Variants in SYTL2 observed in about 807,000 individuals in gnomAD.
SYTL2 encodes synaptotagmin-like protein 2.
Under a neutral mutation model 198.7 loss-of-function variants are expected in SYTL2, and 165 were observed. The ratio of observed to expected loss-of-function variants is 0.83; its 90% CI spans 0.73 to 0.94. The LOEUF is 0.94. Among genes scored for constraint, SYTL2 ranks in the 40% least tolerant of loss-of-function variants. The pLI, the probability that SYTL2 is intolerant of heterozygous loss-of-function variation, is 0.00. For synonymous variants in SYTL2, 966 were observed against 917.7 expected (o/e 1.05, Z -0.95); for missense variants, 2,835 against 2,582.8 (o/e 1.10, Z -2.12).
chr11:85,724,321 TAC>T lies in SYTL2; in HGVS notation c.5035_5036del (p.Val1679AsnfsTer9), dbSNP rs775985246. The T allele has an allele frequency of 6.3e-7, 1 of 1,579,768 alleles. No homozygotes were observed. Among genetic ancestry groups the T allele is most frequent in the Admixed American group, 1.8e-5 (1 of 54,596 alleles). ...CACTGTCCCTGTCCTCTGGGGGGGT[TAC>T]AGTTTTAATGGTCCCTATTTCATGA... ...VAHEIGTIKT[V>X]TPPEDRDSES... On this transcript the variant is annotated frameshift_variant, in exon 8 of 20. Transcript: ENST00000359152. LOFTEE classifies it high-confidence loss of function.
At chr11:85,708,941 C>T (rs2085739119) in intron 14 of SYTL2, among the ~76,000 whole-genome samples, 1 of 149,838 alleles carries the variant, frequency 6.7e-6, no homozygotes, top group Non-Finnish European at 1.5e-5. Context: ...CGCCTCCTCG[C>T]CATTCTCCTG....
At chr11:85,796,774 T>C (rs965737189) in intron 1 of SYTL2, among the ~76,000 whole-genome samples, 1 of 152,240 alleles carries the variant, frequency 6.6e-6, no homozygotes, top group Admixed American at 6.5e-5. Context: ...CCTCAACTTC[T>C]TTTCATTCAT....
chr11:85,733,589 T>TTTGG (rs2090026426), intron 7 of SYTL2: 1 of 76,712 alleles, frequency 1.3e-5, no homozygotes, highest in Non-Finnish European at 2.4e-5. Flanking sequence ...AAGTTTTTTT[T>TTTGG]TTTTGTTTTT....
chr11:85,724,757 TCCTCTGTACTA>T lies in SYTL2; in HGVS notation c.4590_4600del (p.Ser1531AlafsTer7), dbSNP rs1464639557. The T allele has an allele frequency of 6.2e-7, 1 of 1,612,550 alleles. No homozygotes were observed. Among genetic ancestry groups the T allele is most frequent in the East Asian group, 2.2e-5 (1 of 44,888 alleles). On this transcript the variant is annotated frameshift_variant, in exon 8 of 20. Transcript: ENST00000359152. LOFTEE classifies it high-confidence loss of function. Reference sequence around the variant, plus strand: ...GCATTCAGAAGTGGCTCGCCTGGGCTCCTCTGTACTACCTATTAACTTTGATGGAGAAAGAT... The same window carrying T: ...GCATTCAGAAGTGGCTCGCCTGGGCTCCTATTAACTTTGATGGAGAAAGAT...
chr11:85,826,674 A>G, the SYTL2 span, among the ~76,000 whole-genome samples: 1 of 152,254 alleles, frequency 6.6e-6, no homozygotes, highest in Admixed American at 6.5e-5. Context: ...GGTATGTCAG[A>G]GAGAGAGCTC....
At chr11:85,806,553 G>C (rs1203889916) in intron 1 of SYTL2, among the ~76,000 whole-genome samples, 1 of 152,152 alleles carries the variant, frequency 6.6e-6, no homozygotes, top group Non-Finnish European at 1.5e-5. Flanking sequence ...ACAATCTCAA[G>C]AGGTTATAGA....
intron 15 of SYTL2, 43 bp from the exon 16 acceptor site, chr11:85,705,071 T>C: frequency 6.7e-7 from 1 of 1,487,348 alleles, no homozygotes; most frequent in Non-Finnish European, 9.3e-7. Flanking sequence ...AAACATTACT[T>C]GATGCCAAAG....
intron 11 of SYTL2, among the ~76,000 whole-genome samples, chr11:85,716,126 T>C (rs2087190560): frequency 6.6e-6 from 1 of 152,134 alleles, no homozygotes; most frequent in Admixed American, 6.5e-5. Flanking sequence ...AATTAGGAGA[T>C]CATGAATAAA....
chr11:85,844,854 T>A, the SYTL2 span, among the ~76,000 whole-genome samples: 1 of 145,770 alleles, frequency 6.9e-6, no homozygotes, highest in Non-Finnish European at 1.5e-5. Flanking sequence ...GAGCCTGTAA[T>A]CTTCTGTATG....
At chr11:85,788,808 T>G (rs914709964) in intron 1 of SYTL2, among the ~76,000 whole-genome samples, 8 of 152,040 alleles carry the variant, frequency 5.3e-5, no homozygotes, top group African/African-American at 1.7e-4. Flanking sequence ...GAAGGAATCA[T>G]CCATGACTGA....
At chr11:85,808,822 T>C (rs752641072) in intron 1 of SYTL2, among the ~76,000 whole-genome samples, 1 of 152,082 alleles carries the variant, frequency 6.6e-6, no homozygotes, top group Non-Finnish European at 1.5e-5. Context: ...CATTATAATC[T>C]TATCCCCCCA....
At chr11:85,710,746 G>A (rs985598228) in intron 13 of SYTL2, among the ~76,000 whole-genome samples, 2 of 152,130 alleles carry the variant, frequency 1.3e-5, no homozygotes, top group Non-Finnish European at 2.9e-5. Flanking sequence ...TAAAAGAGAG[G>A]TTCAATTCTA....
intron 3 of SYTL2, 39 bp downstream of exon 3, chr11:85,748,233 C>G (rs755805452): frequency 1.9e-5 from 30 of 1,593,944 alleles, no homozygotes; most frequent in Non-Finnish European, 2.3e-5. Flanking sequence ...CCTTCCCAAA[C>G]GAATGCTTGT....
At chr11:85,831,717 T>C in the SYTL2 span, among the ~76,000 whole-genome samples, 1 of 152,162 alleles carries the variant, frequency 6.6e-6, no homozygotes, top group African/African-American at 2.4e-5. Flanking sequence ...ATACATTAAA[T>C]GTGTACAATT....
At chr11:85,736,754 C>G (rs541115134) in intron 5 of SYTL2, 139 bp from the exon 6 acceptor site, 2 of 618,370 alleles carry the variant, frequency 3.2e-6, no homozygotes, top group African/African-American at 3.8e-5. Flanking sequence ...AACAGTTGTC[C>G]TGATTAATCT....
Position 85,725,697 on chromosome 11 carries a change from T to G in SYTL2, c.3661A>C (p.Thr1221Pro). The stretch of plus-strand genomic sequence containing the variant: ...TGCAAGGGAGAGGGTGAAGTTCCAG[T>G]TGCTTCCTTCAGGAGTTTGTCTAGA... ...ASLDKLLKEA[T>P]GTSPSPLQAK... is the part of the protein sequence containing the mutation. The change falls in exon 8 of 20, where the codon ACT becomes CCT. Residue 1221 changes from threonine to proline, a missense_variant. Around this residue, in one of 3 missense-constraint regions of SYTL2, gnomAD observed 2,645 missense variants for 2,381.7 expected, o/e 1.11. Coordinates refer to ENST00000359152, the MANE Select transcript of SYTL2 (RefSeq NM_206927.4). 6.2e-7 allele frequency: 1 copy of G among 1,614,098 alleles called. No individual in the cohort carries two copies. Among genetic ancestry groups the G allele is most frequent in the Non-Finnish European group, 8.5e-7 (1 of 1,180,000 alleles).
intron 11 of SYTL2, among the ~76,000 whole-genome samples, chr11:85,715,902 T>C (rs1381767481): frequency 6.6e-6 from 1 of 152,214 alleles, no homozygotes; most frequent in Non-Finnish European, 1.5e-5. Context: ...CAAATTCAAT[T>C]ATACCCACTA....
At chr11:85,720,833 A>G in intron 9 of SYTL2, 25 bp downstream of exon 9, 4 of 1,535,158 alleles carry the variant, frequency 2.6e-6, no homozygotes, top group Non-Finnish European at 2.7e-6. Context: ...TGGGGCATGA[A>G]CAGTGAGGCG....
chr11:85,716,472 C>G (rs926697980), intron 11 of SYTL2: 1 of 152,222 alleles, frequency 6.6e-6, no homozygotes, highest in Non-Finnish European at 1.5e-5. Context: ...AGGTTTCCCA[C>G]TACATGTCAC....
Sources: allele counts gnomAD v4.1 joint callset (sites outside exome capture counted in the v4.1 genomes callset), GRCh38; gene constraint gnomAD v4.1.1; regional missense constraint gnomAD v4.1.1; transcripts MANE v1.5; gene names NCBI Gene and HGNC (gene_info 2026-07-23, HGNC 2026-07-21).